Variants in CSTPP1 observed in about 807,000 individuals in gnomAD.
CSTPP1 encodes the protein UPF0705 protein C11orf49.
the CSTPP1 span, chr11:47,164,265 GC>G: frequency 6.2e-7 from 1 of 1,607,872 alleles, no homozygotes; most frequent in East Asian, 2.2e-5. Context: ...CCAGGGGCCG[GC>G]ACTGGGCAGG....
chr11:46,953,402 G>A, the CSTPP1 span, among the ~76,000 whole-genome samples: 1 of 152,116 alleles, frequency 6.6e-6, no homozygotes, highest in Non-Finnish European at 1.5e-5. Context: ...TACAGGGAGA[G>A]AGGGAAGATC....
the CSTPP1 span, among the ~76,000 whole-genome samples, chr11:46,996,518 G>T: frequency 1.3e-5 from 2 of 151,964 alleles, no homozygotes; most frequent in Non-Finnish European, 2.9e-5. Flanking sequence ...TAGCCAGGAT[G>T]GTCTCGATCT....
At chr11:47,032,531 T>A in the CSTPP1 span, among the ~76,000 whole-genome samples, 260 of 152,314 alleles carry the variant, frequency 1.7e-3, no homozygotes, top group Non-Finnish European at 3.1e-3. Context: ...TTATATCTTG[T>A]AAGGTTAAAA....
the CSTPP1 span, among the ~76,000 whole-genome samples, chr11:47,145,667 T>C: frequency 3.3e-5 from 5 of 152,300 alleles, no homozygotes; most frequent in African/African-American, 1.2e-4. Context: ...GGTCTTGTTC[T>C]GTCACACAGG....
At chr11:46,999,921 G>A in the CSTPP1 span, among the ~76,000 whole-genome samples, 1 of 152,144 alleles carries the variant, frequency 6.6e-6, no homozygotes, top group Non-Finnish European at 1.5e-5. Context: ...GTCCATGACT[G>A]TTCCAGCAAA....
chr11:47,029,203 A>G, the CSTPP1 span, among the ~76,000 whole-genome samples: 1 of 152,094 alleles, frequency 6.6e-6, no homozygotes, highest in Admixed American at 6.5e-5. Context: ...CAGTTAGCCA[A>G]CCTGTTAGTG....
the CSTPP1 span, among the ~76,000 whole-genome samples, chr11:47,142,241 CAA>C: frequency 3.6e-3 from 458 of 127,738 alleles, 1 homozygote; most frequent in East Asian, 6.2e-3. Context: ...GACTCCATCT[CAA>C]AAAAAAAAAA....
chr11:47,111,034 C>G, the CSTPP1 span, among the ~76,000 whole-genome samples: 2 of 151,948 alleles, frequency 1.3e-5, no homozygotes, highest in African/African-American at 2.4e-5. Flanking sequence ...GGACTACAGG[C>G]GCCCGTCACC....
the CSTPP1 span, chr11:47,159,829 A>AC: frequency 5.1e-6 from 2 of 391,636 alleles, no homozygotes; most frequent in Non-Finnish European, 1.0e-5. Flanking sequence ...ACATGGAGAA[A>AC]CCCCGTCTCT....
At chr11:46,962,029 A>G in the CSTPP1 span, among the ~76,000 whole-genome samples, 1 of 152,188 alleles carries the variant, frequency 6.6e-6, no homozygotes, top group Admixed American at 6.5e-5. Flanking sequence ...GTGCTGAGCA[A>G]AAGGGGGAAA....
At chr11:47,012,734 C>T in the CSTPP1 span, among the ~76,000 whole-genome samples, 1 of 151,926 alleles carries the variant, frequency 6.6e-6, no homozygotes, top group African/African-American at 2.4e-5. Context: ...ACTAGGTCTT[C>T]TCTGAGGTGC....
At chr11:47,086,274 T>C in the CSTPP1 span, among the ~76,000 whole-genome samples, 2 of 141,552 alleles carry the variant, frequency 1.4e-5, no homozygotes, top group South Asian at 4.6e-4. Flanking sequence ...GCTGTGGTAG[T>C]ACATACCTGT....
chr11:47,045,614 A>C, the CSTPP1 span, among the ~76,000 whole-genome samples: 8 of 152,262 alleles, frequency 5.3e-5, no homozygotes, highest in South Asian at 1.7e-3. Context: ...CAGATAAGTG[A>C]TTATGGATCT....
chr11:47,089,016 C>T, the CSTPP1 span, among the ~76,000 whole-genome samples: 1 of 152,100 alleles, frequency 6.6e-6, no homozygotes. Context: ...CAAAGCTTAA[C>T]TGAATAATGT....
the CSTPP1 span, among the ~76,000 whole-genome samples, chr11:46,964,165 A>G: frequency 1.3e-5 from 2 of 152,266 alleles, no homozygotes; most frequent in Non-Finnish European, 1.5e-5. Context: ...AGCATGGCAT[A>G]CAAACCTTGT....
At chr11:47,067,773 C>T in the CSTPP1 span, among the ~76,000 whole-genome samples, 9 of 152,210 alleles carry the variant, frequency 5.9e-5, no homozygotes, top group Admixed American at 4.6e-4. Context: ...GTATTTGTTA[C>T]GGCAGCCCGG....
At chr11:47,004,557 C>G in the CSTPP1 span, 1 of 152,178 alleles carries the variant, frequency 6.6e-6, no homozygotes, top group Non-Finnish European at 1.5e-5. Flanking sequence ...CAATGATTGC[C>G]TGCATGACTC....
At chr11:47,038,051 CG>C in the CSTPP1 span, among the ~76,000 whole-genome samples, 1 of 105,672 alleles carries the variant, frequency 9.5e-6, no homozygotes, top group Non-Finnish European at 2.3e-5. Flanking sequence ...TAGGGGCGGC[CG>C]GGCAGAGGCG....
chr11:47,090,099 AG>A, the CSTPP1 span, among the ~76,000 whole-genome samples: 1 of 152,138 alleles, frequency 6.6e-6, no homozygotes, highest in Non-Finnish European at 1.5e-5. Flanking sequence ...CTCCTGCCTC[AG>A]CCTCCGGAGT....
Sources: gnomAD v4.1 joint callset for allele counts (sites outside exome capture counted in the v4.1 genomes callset) on GRCh38, gnomAD v4.1.1 for gene constraint, MANE v1.5 for transcripts, NCBI Gene and HGNC (gene_info 2026-07-23, HGNC 2026-07-21) for gene names.